MAML3: variants seen among roughly 807,000 people sequenced by gnomAD.
MAML3 encodes mastermind like transcriptional coactivator 3, also known as mastermind-like protein 3.
A neutral mutation model predicts 101.9 loss-of-function variants in MAML3; 27 were observed. That is an observed-to-expected ratio of 0.27 (90% CI 0.20 to 0.37). The LOEUF is 0.37. Among genes scored for constraint, MAML3 ranks in the 10% least tolerant of loss-of-function variants. The pLI, the probability that MAML3 is intolerant of heterozygous loss-of-function variation, is 1.00. For missense variants in MAML3, 1,316 were observed against 1,444.9 expected (o/e 0.91, Z 1.45); for synonymous variants, 501 against 555.9 (o/e 0.90, Z 1.39).
At chr4:139,756,919 G>C (rs1180632899) in intron 2 of MAML3, among the ~76,000 whole-genome samples, 1 of 152,064 alleles carries the variant, frequency 6.6e-6, no homozygotes, top group Non-Finnish European at 1.5e-5. Context: ...GCATGACTAA[G>C]TCTCCCGCCA....
At chr4:139,859,876 T>C (rs1462991647) in intron 2 of MAML3, among the ~76,000 whole-genome samples, 1 of 152,044 alleles carries the variant, frequency 6.6e-6, no homozygotes, top group African/African-American at 2.4e-5. Flanking sequence ...GTTTTAAACG[T>C]GTAAAGATTT....
intron 1 of MAML3, among the ~76,000 whole-genome samples, chr4:140,085,649 A>G (rs943580035): frequency 6.6e-6 from 1 of 152,220 alleles, no homozygotes; most frequent in Non-Finnish European, 1.5e-5. Flanking sequence ...ACACATGGGC[A>G]TGAAAAGAAT....
At chr4:140,011,145 G>A (rs1485808715) in intron 1 of MAML3, among the ~76,000 whole-genome samples, 30 of 97,170 alleles carry the variant, frequency 3.1e-4, no homozygotes, top group African/African-American at 1.2e-3. Flanking sequence ...ATACACATAT[G>A]TCATATATAT....
At position 139,889,473 on chromosome 4, in the gene MAML3, G is replaced by C; in HGVS notation, c.1963C>G (p.Gln655Glu). The C allele has an allele frequency of 6.2e-7, 1 of 1,614,024 alleles. No individual in the cohort carries two copies. The highest frequency in any genetic ancestry group is 1.7e-4 in the Middle Eastern group (1 of 6,052). ...AGGTGTGCCCTGGGGGCCTGGAGCT[G>C]TGGAGGTGGCGGCTGCTGCTGCTGC... ...QQQQQQPPPP[Q>E]LQAPRAHLSE... Residue 655 changes from glutamine (Q) to glutamate (E), a missense_variant, in exon 2 of 5, where the codon CAG (glutamine) becomes GAG (glutamate). Gln to Glu is a conservative substitution (Grantham distance 29). Transcript: ENST00000509479.
chr4:139,895,335 G>T (rs1732588119), intron 1 of MAML3, among the ~76,000 whole-genome samples: 1 of 152,202 alleles, frequency 6.6e-6, no homozygotes, highest in Non-Finnish European at 1.5e-5. Context: ...CATGAAGGCA[G>T]GGGTTCTTCC....
chr4:140,098,164 G>A (rs986463224), intron 1 of MAML3, among the ~76,000 whole-genome samples: 8 of 152,254 alleles, frequency 5.3e-5, no homozygotes, highest in African/African-American at 1.9e-4. Context: ...TGTGAAGTGT[G>A]TTTATTTATA....
chr4:140,077,315 A>G (rs923559694), intron 1 of MAML3, among the ~76,000 whole-genome samples: 2 of 152,188 alleles, frequency 1.3e-5, no homozygotes, highest in Non-Finnish European at 2.9e-5. Context: ...GATTCATACA[A>G]AACTTCCCCC....
intron 2 of MAML3, among the ~76,000 whole-genome samples, chr4:139,803,376 G>T (rs1730643923): frequency 6.6e-6 from 1 of 151,960 alleles, no homozygotes; most frequent in Non-Finnish European, 1.5e-5. Context: ...TACCATTTTT[G>T]GAAAAAAAGA....
At chr4:139,949,600 T>C (rs1308153854) in intron 1 of MAML3, among the ~76,000 whole-genome samples, 1 of 152,216 alleles carries the variant, frequency 6.6e-6, no homozygotes, top group East Asian at 1.9e-4. Flanking sequence ...GAATATTATG[T>C]TGTACTTTTA....
intron 1 of MAML3, among the ~76,000 whole-genome samples, chr4:139,992,338 GGATA>G (rs1205901629): frequency 5.9e-5 from 9 of 152,136 alleles, no homozygotes; most frequent in Non-Finnish European, 1.0e-4. Context: ...CATTTCTCCT[GGATA>G]GATTCCTTAG....
chr4:139,980,239 C>T (rs1048528630), intron 1 of MAML3, among the ~76,000 whole-genome samples: 4 of 152,132 alleles, frequency 2.6e-5, no homozygotes, highest in Non-Finnish European at 4.4e-5. Context: ...GCTTTACAAC[C>T]TCAATACCCA....
Position 139,719,641 on chromosome 4 carries a change from C to G in MAML3, c.3099G>C (p.Ser1033=). 1.2e-6 allele frequency: 2 copies of G among 1,612,352 alleles called. No individual in the cohort carries two copies. The highest frequency in any genetic ancestry group is 1.7e-6 in the Non-Finnish European group (2 of 1,179,336). The change falls in exon 5 of 5, where the codon TCG becomes TCC. Residue 1033 remains serine, a synonymous_variant. Coordinates refer to ENST00000509479, the MANE Select transcript of MAML3 (RefSeq NM_018717.5). ...GGCTGGTGCCTTGCTGCCCCGGGAG[C>G]GATGGCATCATCTGCCGACCCATGG... is the stretch of plus-strand genomic sequence containing the variant. ...PAAMGRQMMP[S]LPGQQGTSQA...
chr4:139,914,431 C>T (rs1338351676), intron 1 of MAML3, among the ~76,000 whole-genome samples: 3 of 152,052 alleles, frequency 2.0e-5, no homozygotes, highest in Non-Finnish European at 4.4e-5. Flanking sequence ...GCTTCTCCTG[C>T]CCTATTCCTA....
intron 2 of MAML3, among the ~76,000 whole-genome samples, chr4:139,849,424 C>T (rs1731509498): frequency 6.6e-6 from 1 of 152,192 alleles, no homozygotes. Context: ...GGTCCAGACG[C>T]TGTGTCTACA....
intron 1 of MAML3, among the ~76,000 whole-genome samples, chr4:140,023,384 C>T (rs1285494366): frequency 6.6e-6 from 1 of 152,180 alleles, no homozygotes; most frequent in African/African-American, 2.4e-5. Context: ...TCTGTGGATA[C>T]ACTCTTGGTG....
At chr4:139,743,929 T>C (rs1419976498) in intron 2 of MAML3, among the ~76,000 whole-genome samples, 2 of 152,220 alleles carry the variant, frequency 1.3e-5, no homozygotes, top group African/African-American at 4.8e-5. Flanking sequence ...TACAGGGTGC[T>C]GAGAGCTCAC....
chr4:140,045,807 T>C (rs1228090028), intron 1 of MAML3, among the ~76,000 whole-genome samples: 2 of 152,150 alleles, frequency 1.3e-5, no homozygotes, highest in South Asian at 2.1e-4. Flanking sequence ...GCCTCTGAAG[T>C]ATTGGTAAGA....
At chr4:139,877,075 G>T (rs534339815) in intron 2 of MAML3, among the ~76,000 whole-genome samples, 1 of 152,202 alleles carries the variant, frequency 6.6e-6, no homozygotes, top group South Asian at 2.1e-4. Context: ...TTAATAAATG[G>T]GAGTTATTAG....
chr4:139,912,131 T>C (rs1407798000), intron 1 of MAML3, among the ~76,000 whole-genome samples: 1 of 152,236 alleles, frequency 6.6e-6, no homozygotes, highest in African/African-American at 2.4e-5. Context: ...ACTGACATAC[T>C]GTTTTCCATA....
Sources: gnomAD v4.1 joint callset for allele counts (sites outside exome capture counted in the v4.1 genomes callset) on GRCh38, gnomAD v4.1.1 for gene constraint, MANE v1.5 for transcripts, NCBI Gene and HGNC (gene_info 2026-07-23, HGNC 2026-07-21) for gene names.